Variants in MARCHF8 observed in about 807,000 individuals in gnomAD.
MARCHF8 encodes the protein E3 ubiquitin-protein ligase MARCHF8.
MARCHF8 carries 40 observed loss-of-function variants against 51.6 expected under a neutral mutation model. The ratio of observed to expected loss-of-function variants is 0.77; its 90% CI spans 0.60 to 1.01. The LOEUF (loss-of-function observed/expected upper bound fraction) is 1.01. MARCHF8 is among the 50% of genes least tolerant of loss of function. The pLI, the probability that MARCHF8 is intolerant of heterozygous loss-of-function variation, is 0.00. For missense variants in MARCHF8, 685 were observed against 708.6 expected (o/e 0.97, Z 0.38); for synonymous variants, 263 against 280.3 (o/e 0.94, Z 0.62).
chr10:45,464,455 A>C, intron 3 of MARCHF8, 128 bp from the exon 4 acceptor site: 1 of 735,012 alleles, frequency 1.4e-6, no homozygotes, highest in South Asian at 1.5e-5. Flanking sequence ...CGAGTAACAC[A>C]TATTAGATCC....
At chr10:45,492,320 C>T (rs771062751) in intron 2 of MARCHF8, among the ~76,000 whole-genome samples, 6 of 150,246 alleles carry the variant, frequency 4.0e-5, no homozygotes, top group East Asian at 1.9e-4. Context: ...TTTTTTGATA[C>T]GTAGTCTCGC....
At chr10:45,559,944 C>T (rs368450110) in intron 1 of MARCHF8, among the ~76,000 whole-genome samples, 6 of 152,082 alleles carry the variant, frequency 3.9e-5, no homozygotes, top group African/African-American at 7.2e-5. Context: ...TCCAAGGGAG[C>T]GGGCCTCGGC....
At chr10:45,473,086 C>T (rs1025229502) in intron 3 of MARCHF8, among the ~76,000 whole-genome samples, 3 of 152,174 alleles carry the variant, frequency 2.0e-5, no homozygotes, top group African/African-American at 7.2e-5. Flanking sequence ...TCCAGGTCTG[C>T]CCTCGCGTAA....
intron 2 of MARCHF8, among the ~76,000 whole-genome samples, chr10:45,506,612 T>A (rs12243153): frequency 0.23 from 35,688 of 152,174 alleles, 4,414 homozygotes; most frequent in Admixed American, 0.3. Flanking sequence ...ACTGATCTCA[T>A]TTCTAAGTAA....
At chr10:45,458,621 TA>T in intron 7 of MARCHF8, 78 bp from the exon 8 acceptor site, 1 of 1,362,452 alleles carries the variant, frequency 7.3e-7, no homozygotes, top group East Asian at 2.4e-5. Context: ...GAACTTCCCA[TA>T]ATCAACTGAT....
At chr10:45,575,967 C>CA (rs2044485230) in intron 1 of MARCHF8, among the ~76,000 whole-genome samples, 1 of 152,192 alleles carries the variant, frequency 6.6e-6, no homozygotes, top group South Asian at 2.1e-4. Flanking sequence ...AAAATGGCCC[C>CA]ACCCCTTTCT....
rs369439640 is a variant in MARCHF8, at chr10:45,579,061, G to A, written c.-79+15174C>T. 5.3e-5 allele frequency among the ~76,000 whole-genome samples: 8 copies of A among 152,270 alleles called. No individual in the cohort carries two copies. In the East Asian group the frequency reaches 7.7e-4, roughly 15 times the overall value. On this transcript the variant is annotated intron_variant, in intron 1 of 6. Coordinates refer to the MARCHF8 transcript ENST00000319836. ...GCACTATGAATTAGATAACAACACC[G>A]TACCAATTGTTAAATTTCTTGACTG...
chr10:45,487,099 C>T (rs922567080), intron 3 of MARCHF8, among the ~76,000 whole-genome samples: 1 of 152,184 alleles, frequency 6.6e-6, no homozygotes, highest in African/African-American at 2.4e-5. Context: ...GTGTGAGCCA[C>T]CACGCCTGGC....
chr10:45,467,959 A>G (rs1024152510), intron 3 of MARCHF8, among the ~76,000 whole-genome samples: 1 of 152,212 alleles, frequency 6.6e-6, no homozygotes, highest in Admixed American at 6.5e-5. Context: ...GAAAAGGAAT[A>G]TAAAGCAATC....
chr10:45,471,500 G>A (rs1297092619), intron 3 of MARCHF8, among the ~76,000 whole-genome samples: 2 of 152,170 alleles, frequency 1.3e-5, no homozygotes, highest in African/African-American at 4.8e-5. Flanking sequence ...CGGTGAAAGG[G>A]GCTGTGTTTG....
At chr10:45,488,849 T>C (rs2043031445) in intron 3 of MARCHF8, among the ~76,000 whole-genome samples, 1 of 152,126 alleles carries the variant, frequency 6.6e-6, no homozygotes, top group Non-Finnish European at 1.5e-5. Flanking sequence ...CTCTTTTGTC[T>C]CTTGTCTTTT....
At chr10:45,522,424 T>C (rs772676414) in intron 2 of MARCHF8, among the ~76,000 whole-genome samples, 1 of 152,190 alleles carries the variant, frequency 6.6e-6, no homozygotes, top group Admixed American at 6.5e-5. Flanking sequence ...CACTGCTAAT[T>C]AGATGAAAAG....
intron 1 of MARCHF8, among the ~76,000 whole-genome samples, chr10:45,534,190 T>TCCCCC (rs370187089): frequency 1.5e-5 from 1 of 65,454 alleles, no homozygotes; most frequent in Non-Finnish European, 3.0e-5. Flanking sequence ...CCCCCCAACC[T>TCCCCC]CCCCCCCACC....
At chr10:45,562,515 T>C (rs180993323) in intron 1 of MARCHF8, among the ~76,000 whole-genome samples, 9 of 152,306 alleles carry the variant, frequency 5.9e-5, no homozygotes, top group Admixed American at 4.6e-4. Flanking sequence ...ACTTGTCAAC[T>C]GTCATCATAT....
At chr10:45,462,822 C>T (rs1173276400) in intron 5 of MARCHF8, among the ~76,000 whole-genome samples, 2 of 151,956 alleles carry the variant, frequency 1.3e-5, no homozygotes, top group African/African-American at 2.4e-5. Flanking sequence ...GACGGGGTTT[C>T]GCCACGTTGG....
intron 1 of MARCHF8, among the ~76,000 whole-genome samples, chr10:45,555,033 G>A (rs1435444883): frequency 2.0e-5 from 3 of 150,776 alleles, no homozygotes; most frequent in Non-Finnish European, 3.0e-5. Context: ...CAGCCTGGGC[G>A]ACAGAGTGAG....
At chr10:45,546,461 T>G (rs1455704089) in intron 1 of MARCHF8, among the ~76,000 whole-genome samples, 2 of 151,784 alleles carry the variant, frequency 1.3e-5, no homozygotes, top group Admixed American at 6.6e-5. Context: ...CAGCGCCCGG[T>G]CATGAGCTGA....
chr10:45,512,301 G>A (rs1236619943), intron 2 of MARCHF8, among the ~76,000 whole-genome samples: 1 of 151,640 alleles, frequency 6.6e-6, no homozygotes, highest in African/African-American at 2.4e-5. Context: ...CCCCGTCTGG[G>A]AAGTGAGGAG....
chr10:45,582,698 G>T (rs2044568675), intron 1 of MARCHF8, among the ~76,000 whole-genome samples: 1 of 152,176 alleles, frequency 6.6e-6, no homozygotes, highest in South Asian at 2.1e-4. Flanking sequence ...AAGTTGTACA[G>T]ATGTTGTGTG....
Sources: gnomAD v4.1 joint callset for allele counts (sites outside exome capture counted in the v4.1 genomes callset) on GRCh38, gnomAD v4.1.1 for gene constraint, MANE v1.5 for transcripts, NCBI Gene and HGNC (gene_info 2026-07-23, HGNC 2026-07-21) for gene names.